The following NCKAP5 variants were observed in gnomAD, a reference collection of about 807,000 sequenced individuals.
NCKAP5 encodes the protein nck-associated protein 5.
Under a neutral mutation model 167.0 loss-of-function variants are expected in NCKAP5, and 92 were observed. That is an observed-to-expected ratio of 0.55 (90% CI 0.47 to 0.66). The LOEUF is 0.66. NCKAP5 is among the 30% of genes least tolerant of loss of function. The pLI, the probability that NCKAP5 is intolerant of heterozygous loss-of-function variation, is 0.00. For synonymous variants in NCKAP5, 891 were observed against 877.4 expected, an observed-to-expected ratio of 1.02 and a Z score of -0.27; for missense variants, 2,378 against 2,315.0, an observed-to-expected ratio of 1.03 and a Z score of -0.56.
chr2:133,538,947 T>G (rs1346870806), intron 2 of NCKAP5, among the ~76,000 whole-genome samples: 2 of 139,214 alleles, frequency 1.4e-5, no homozygotes, highest in African/African-American at 2.7e-5. Flanking sequence ...TTTTTTTTTT[T>G]TTTTTTTTTT....
At chr2:133,043,724 T>C (rs2079292362) in intron 6 of NCKAP5, among the ~76,000 whole-genome samples, 1 of 152,186 alleles carries the variant, frequency 6.6e-6, no homozygotes, top group African/African-American at 2.4e-5. Context: ...TAGCTCAGAC[T>C]AAGTACGTAA....
At chr2:133,081,061 C>G (rs559695730) in intron 6 of NCKAP5, among the ~76,000 whole-genome samples, 1 of 152,212 alleles carries the variant, frequency 6.6e-6, no homozygotes, top group African/African-American at 2.4e-5. Context: ...TGCTGGCGGA[C>G]TAGCACATCA....
At chr2:132,821,717 C>A (rs1158291605) in intron 11 of NCKAP5, among the ~76,000 whole-genome samples, 1 of 152,108 alleles carries the variant, frequency 6.6e-6, no homozygotes, top group African/African-American at 2.4e-5. Context: ...TGAGACCCAC[C>A]TCACCAACTG....
At chr2:133,569,985 T>C (rs1394125481), upstream of NCKAP5, among the ~76,000 whole-genome samples, 1 of 151,844 alleles carries the variant, frequency 6.6e-6, no homozygotes, top group Non-Finnish European at 1.5e-5. Flanking sequence ...AGCACAAAGA[T>C]ATAAGCACAA....
Position 132,708,501 on chromosome 2 carries a change from C to T in NCKAP5, c.5713+17126G>A, listed in dbSNP as rs1297569179. ...AAAGGGGAGGTAAGAGTGGGAAGGACTCTGTCTAGTAGCTTGGGTGCCAGC... is the reference window on the plus strand; with the variant it reads ...AAAGGGGAGGTAAGAGTGGGAAGGATTCTGTCTAGTAGCTTGGGTGCCAGC... On this transcript the variant is annotated intron_variant, in intron 19 of 19. Coordinates refer to ENST00000409261, the MANE Select transcript of NCKAP5 (RefSeq NM_207363.3). Among the ~76,000 whole-genome samples the T allele has an allele frequency of 2.6e-5, 4 of 152,174 alleles. No homozygotes were observed. The South Asian group carries it at 8.3e-4, about 32-fold the overall frequency.
chr2:133,390,899 C>T (rs1005753221), intron 3 of NCKAP5, among the ~76,000 whole-genome samples: 2 of 152,118 alleles, frequency 1.3e-5, no homozygotes, highest in South Asian at 2.1e-4. Context: ...CTTAACTATA[C>T]CTTTTAGTTT....
At position 132,835,354 on chromosome 2, in the gene NCKAP5, G is replaced by A. The variant is rs111946124; in HGVS notation, c.807+25138C>T. ...TCATAGAATGAGTTAGAATTCAGCC[G>A]CTTTGTTTAGGGGTTGATCTTTGCC... On this transcript the variant is annotated intron_variant, in intron 11 of 19. Transcript: ENST00000409261. Among the ~76,000 whole-genome samples, 337 of 152,164 alleles carry A rather than the reference G, an allele frequency of 2.2e-3. 2 individuals are homozygous for A. Among genetic ancestry groups the A allele is most frequent in the African/African-American group, 7.6e-3 (314 of 41,522 alleles).
At position 133,314,635 on chromosome 2, in the gene NCKAP5, G is replaced by A. The variant is rs541460940; in HGVS notation, c.70-11525C>T. ...CAATTATTCTGCAAATATTTTCAAG[G>A]GTTAATTATGTTCAGGCACTCTTCA... On this transcript the variant is annotated intron_variant, in intron 3 of 19. Transcript: ENST00000409261. Among the ~76,000 whole-genome samples, 10 of 152,286 alleles carry A rather than the reference G, an allele frequency of 6.6e-5. 1 individual carries two copies. In the South Asian group the frequency reaches 2.1e-3, roughly 32 times the overall value.
At position 133,503,034 on chromosome 2, in the gene NCKAP5, G is replaced by C. The variant is rs572863670; in HGVS notation, c.69+14424C>G. Among the ~76,000 whole-genome samples, 9 of 152,302 alleles carry C rather than the reference G, an allele frequency of 5.9e-5. No homozygotes were observed. In the East Asian group the frequency reaches 1.7e-3, roughly 29 times the overall value. ...CTGAGAGTGGACAGAAACAATTTCA[G>C]CTCTCAGGGGTGAGCCAGTTTAGGT... On this transcript the variant is annotated intron_variant, in intron 3 of 19. Transcript: ENST00000409261.
At chr2:133,126,672 G>T (rs1268310229) in intron 6 of NCKAP5, among the ~76,000 whole-genome samples, 27 of 152,118 alleles carry the variant, frequency 1.8e-4, no homozygotes, top group Admixed American at 1.8e-3. Flanking sequence ...ATTCTATTAT[G>T]AATTTATTAA....
chr2:133,280,189 A>T (rs1232874803), intron 4 of NCKAP5, among the ~76,000 whole-genome samples: 2 of 152,192 alleles, frequency 1.3e-5, no homozygotes. Flanking sequence ...ACAAACAGGG[A>T]AAAAATTCTC....
In NCKAP5 at chr2:133,225,675, G is replaced by A. The variant is rs561364525; in HGVS notation, c.144-11896C>T. Among the ~76,000 whole-genome samples the A allele has an allele frequency of 8.8e-4, 133 of 151,442 alleles. 2 individuals are homozygous for A. Among genetic ancestry groups the A allele is most frequent in the African/African-American group, 3.1e-3 (130 of 41,280 alleles). ...GTTGCCCAGGCTAGAGTGCAGTGGT[G>A]TGATCATGGCTCACTGCAGCCTCAA... On this transcript the variant is annotated intron_variant, in intron 4 of 19. Coordinates refer to ENST00000409261, the MANE Select transcript of NCKAP5 (RefSeq NM_207363.3).
intron 3 of NCKAP5, among the ~76,000 whole-genome samples, chr2:133,462,514 T>A (rs1041159934): frequency 6.6e-6 from 1 of 152,202 alleles, no homozygotes; most frequent in Non-Finnish European, 1.5e-5. Context: ...TGGTCCAAGA[T>A]AGCATCAGAA....
At chr2:132,829,662 C>T (rs1437207035) in intron 11 of NCKAP5, among the ~76,000 whole-genome samples, 1 of 152,022 alleles carries the variant, frequency 6.6e-6, no homozygotes, top group Non-Finnish European at 1.5e-5. Context: ...TAGCGTGCAT[C>T]AGGATTACCT....
intron 9 of NCKAP5, among the ~76,000 whole-genome samples, chr2:132,873,932 G>A (rs2044566): frequency 6.6e-6 from 1 of 151,998 alleles, no homozygotes; most frequent in African/African-American, 2.4e-5. Flanking sequence ...TGTGGGCCGG[G>A]AATCTGCTGG....
chr2:133,505,874 C>T (rs1270839501), intron 3 of NCKAP5, among the ~76,000 whole-genome samples: 4 of 152,214 alleles, frequency 2.6e-5, no homozygotes, highest in Admixed American at 6.5e-5. Flanking sequence ...ATAGGAGCTG[C>T]ACCGCTCTCG....
At chr2:132,683,664 T>C (rs1277022588) in intron 19 of NCKAP5, among the ~76,000 whole-genome samples, 1 of 152,188 alleles carries the variant, frequency 6.6e-6, no homozygotes, top group African/African-American at 2.4e-5. Context: ...TAATAGATGG[T>C]ATAGACATTG....
At chr2:132,772,700 C>T (rs771999709) in intron 16 of NCKAP5, among the ~76,000 whole-genome samples, 6 of 152,338 alleles carry the variant, frequency 3.9e-5, no homozygotes, top group Admixed American at 1.3e-4. Context: ...TCAGACTACA[C>T]TCTTTCAGCT....
intron 3 of NCKAP5, among the ~76,000 whole-genome samples, chr2:133,336,806 C>G (rs997224521): frequency 1.3e-5 from 2 of 152,064 alleles, no homozygotes; most frequent in Admixed American, 6.6e-5. Flanking sequence ...TCTGGCTACA[C>G]GGGTGGCTGA....
Sources: gnomAD v4.1 joint callset for allele counts (sites outside exome capture counted in the v4.1 genomes callset) on GRCh38, gnomAD v4.1.1 for gene constraint, MANE v1.5 for transcripts, NCBI Gene and HGNC (gene_info 2026-07-23, HGNC 2026-07-21) for gene names.